Variants in PSPC1 observed in about 807,000 individuals in gnomAD.
PSPC1 encodes paraspeckle protein 1.
PSPC1 carries 14 observed loss-of-function variants against 51.6 expected under a neutral mutation model. The ratio of observed to expected loss-of-function variants is 0.27; its 90% confidence interval spans 0.18 to 0.42. PSPC1 has a LOEUF of 0.42. PSPC1 is among the 10% of genes least tolerant of loss of function. The probability of loss-of-function intolerance (pLI) is 1.00; values close to 1 mark genes in which losing one functional copy is unlikely to be tolerated. For synonymous variants in PSPC1, 193 were observed against 231.9 expected, an observed-to-expected ratio of 0.83 and a Z score of 1.53; for missense variants, 406 against 701.1, an observed-to-expected ratio of 0.58 and a Z score of 4.75.
At chr13:19,764,827 A>G (rs1335767978) in intron 2 of PSPC1, among the ~76,000 whole-genome samples, 1 of 152,026 alleles carries the variant, frequency 6.6e-6, no homozygotes, top group Non-Finnish European at 1.5e-5. Context: ...TCGACCTACA[A>G]GGCTCAAGTG....
intron 6 of PSPC1, among the ~76,000 whole-genome samples, chr13:19,683,498 T>G (rs1312128991): frequency 6.6e-6 from 1 of 152,214 alleles, no homozygotes; most frequent in Non-Finnish European, 1.5e-5. Flanking sequence ...AGTGACGTCC[T>G]CTGACGCAGG....
chr13:19,773,739 G>C (rs1480907599), intron 1 of PSPC1, among the ~76,000 whole-genome samples: 1 of 151,874 alleles, frequency 6.6e-6, no homozygotes, highest in African/African-American at 2.4e-5. Context: ...GCTTACTGCA[G>C]CCTCAAACTT....
In PSPC1 at chr13:19,751,448, G is replaced by A. The variant is rs1325365259; in HGVS notation, c.790C>T (p.Arg264Cys). 2.0e-6 allele frequency: 3 copies of A among 1,521,008 alleles called. No homozygotes were observed. The highest frequency in any genetic ancestry group is 2.6e-6 in the Non-Finnish European group (3 of 1,139,238). 94.2% of individuals were successfully genotyped at this position (1,521,008 alleles called of 1,614,324 possible). A position where few individuals can be genotyped will look rare whatever the true frequency, so the allele number is the denominator to read the frequency against. The change falls in exon 4 of 9, where the codon CGT (arginine) becomes TGT (cysteine). Residue 264 changes from arginine to cysteine, a missense_variant. Arg to Cys is a radical substitution (Grantham distance 180). Transcript: ENST00000338910. ...TCAAATGTCCCAGGTTGAGCAAAAC[G>A]TGGTGGTTGTTCTCTTTCCCTAAAT... The part of the protein sequence containing the change: ...QYHKEREQPP[R>C]FAQPGTFEFE...
intron 1 of PSPC1, among the ~76,000 whole-genome samples, chr13:19,775,291 G>A (rs1593780445): frequency 6.6e-6 from 1 of 152,102 alleles, no homozygotes; most frequent in East Asian, 1.9e-4. Flanking sequence ...GGCAGAGGTT[G>A]CAGTGGGCTG....
intron 6 of PSPC1, among the ~76,000 whole-genome samples, chr13:19,729,924 A>G (rs1227715255): frequency 6.6e-6 from 1 of 152,226 alleles, no homozygotes; most frequent in African/African-American, 2.4e-5. Flanking sequence ...TTTCAATATT[A>G]GTATGTGGTG....
intron 6 of PSPC1, among the ~76,000 whole-genome samples, chr13:19,692,791 T>G (rs1878723237): frequency 6.6e-6 from 1 of 152,056 alleles, no homozygotes; most frequent in African/African-American, 2.4e-5. Context: ...CCCAATACAT[T>G]AGAAACAGCT....
chr13:19,712,604 G>A (rs952154617), intron 6 of PSPC1, among the ~76,000 whole-genome samples: 1 of 151,854 alleles, frequency 6.6e-6, no homozygotes, highest in African/African-American at 2.4e-5. Flanking sequence ...CCCTTCTGGT[G>A]GTATATTATA....
At chr13:19,754,151 C>T (rs930863858) in intron 3 of PSPC1, among the ~76,000 whole-genome samples, 19 of 152,076 alleles carry the variant, frequency 1.2e-4, no homozygotes, top group Middle Eastern at 6.8e-3. Flanking sequence ...ATGGCGCCAT[C>T]TTGGCTCACT....
downstream of PSPC1, among the ~76,000 whole-genome samples, chr13:19,674,123 T>C (rs1876349540): frequency 1.3e-5 from 2 of 152,250 alleles, no homozygotes; most frequent in African/African-American, 4.8e-5. Flanking sequence ...TCTGCCATTA[T>C]TCCTTTCCAC....
chr13:19,676,386 T>C (rs1876638602), intron 7 of PSPC1, among the ~76,000 whole-genome samples: 1 of 152,200 alleles, frequency 6.6e-6, no homozygotes, highest in African/African-American at 2.4e-5. Context: ...GGTCTAGGCC[T>C]GAGAACCAAA....
chr13:19,707,536 CA>C (rs1249470148), intron 7 of PSPC1, among the ~76,000 whole-genome samples: 4 of 152,170 alleles, frequency 2.6e-5, no homozygotes, highest in African/African-American at 4.8e-5. Flanking sequence ...AATAGCTCTA[CA>C]AAACCATTAT....
chr13:19,715,922 G>A (rs1028673071), intron 6 of PSPC1, among the ~76,000 whole-genome samples: 3 of 152,194 alleles, frequency 2.0e-5, no homozygotes, highest in African/African-American at 7.2e-5. Flanking sequence ...GCTGAGGCAG[G>A]AGAATGGCAT....
chr13:19,687,289 A>T (rs980855859), intron 6 of PSPC1, among the ~76,000 whole-genome samples: 1 of 152,184 alleles, frequency 6.6e-6, no homozygotes, highest in African/African-American at 2.4e-5. Flanking sequence ...TCATCAATGC[A>T]ACTGCAGTGT....
chr13:19,741,449 T>C, intron 5 of PSPC1, 116 bp downstream of exon 5: 1 of 701,840 alleles, frequency 1.4e-6, no homozygotes, highest in East Asian at 2.7e-5. Context: ...GTGGTTAAAA[T>C]GGGCAATTTT....
chr13:19,780,820 T>G (rs1398991985), intron 1 of PSPC1, among the ~76,000 whole-genome samples: 1 of 151,882 alleles, frequency 6.6e-6, no homozygotes, highest in Admixed American at 6.6e-5. Flanking sequence ...AAAAATAAAT[T>G]AAAAAGATTT....
At chr13:19,781,133 G>A (rs905160976) in intron 1 of PSPC1, among the ~76,000 whole-genome samples, 11 of 145,390 alleles carry the variant, frequency 7.6e-5, no homozygotes, top group South Asian at 4.4e-4. Flanking sequence ...GTGATAGAGC[G>A]AGACCCAGTC....
intron 6 of PSPC1, among the ~76,000 whole-genome samples, chr13:19,726,555 G>A (rs2137894133): frequency 6.6e-6 from 1 of 152,282 alleles, no homozygotes; most frequent in African/African-American, 2.4e-5. Context: ...TTAGTAGTAT[G>A]ATCTAAGAAC....
intron 6 of PSPC1, among the ~76,000 whole-genome samples, chr13:19,682,911 A>AGG (rs1877439968): frequency 6.6e-6 from 1 of 151,934 alleles, no homozygotes; most frequent in Non-Finnish European, 1.5e-5. Flanking sequence ...CTAAAAAAAA[A>AGG]AAATAAATTA....
chr13:19,735,831 T>A (rs574371262), intron 5 of PSPC1, among the ~76,000 whole-genome samples: 67 of 147,470 alleles, frequency 4.5e-4, no homozygotes, highest in Middle Eastern at 3.5e-3. Flanking sequence ...AAAAAAAAAA[T>A]TTTTTTTTTG....
Sources: gnomAD v4.1 joint callset for allele counts (sites outside exome capture counted in the v4.1 genomes callset) on GRCh38, gnomAD v4.1.1 for gene constraint, MANE v1.5 for transcripts, NCBI Gene and HGNC (gene_info 2026-07-23, HGNC 2026-07-21) for gene names.